The following PRPF38A variants were observed in gnomAD, a reference collection of about 807,000 sequenced individuals.
PRPF38A encodes pre-mRNA-splicing factor 38A.
PRPF38A carries 11 observed loss-of-function variants against 46.8 expected under a neutral mutation model. The observed-to-expected ratio is 0.24, with a 90% CI of 0.15 to 0.39. The LOEUF is 0.39. Among genes scored for constraint, PRPF38A ranks in the 10% least tolerant of loss-of-function variants. The pLI is 1.00. For missense variants in PRPF38A, 261 were observed against 407.5 expected (o/e 0.64, Z 3.10); for synonymous variants, 124 against 136.2 (o/e 0.91, Z 0.62).
Position 52,415,334 on chromosome 1 carries a change from C to G in PRPF38A, c.848-4C>G. On this transcript the variant is annotated splice_region_variant and splice_polypyrimidine_tract_variant and intron_variant, in intron 8 of 9. Coordinates refer to ENST00000257181, the MANE Select transcript of PRPF38A (RefSeq NM_032864.4). ...ATCTTATGCAATGGCCTTTTCTTCC[C>G]CAGGTCATCACCGTAGTCACAGACA... 6.2e-7 allele frequency: 1 copy of G among 1,613,650 alleles called. No individual in the cohort carries two copies. Among genetic ancestry groups the G allele is most frequent in the South Asian group, 1.1e-5 (1 of 91,044 alleles).
At chr1:52,412,434 G>T in intron 4 of PRPF38A, 80 bp from the exon 5 acceptor site, 2 of 933,478 alleles carry the variant, frequency 2.1e-6, no homozygotes, top group African/African-American at 1.6e-5. Context: ...TTGCTCCTTG[G>T]AACCCTGAAG....
At position 52,413,984 on chromosome 1, in the gene PRPF38A, C is replaced by G. The variant is rs1189058679; in HGVS notation, c.715C>G (p.Pro239Ala). 4.3e-6 allele frequency: 7 copies of G among 1,609,272 alleles called. No homozygotes were observed. Among genetic ancestry groups the G allele is most frequent in the Non-Finnish European group, 6.0e-6 (7 of 1,175,658 alleles). The change falls in exon 6 of 10, where the codon CCC becomes GCC. Residue 239 changes from proline (P) to alanine (A), a missense_variant. Pro to Ala is a conservative substitution (Grantham distance 27). Coordinates refer to ENST00000257181, the MANE Select transcript of PRPF38A (RefSeq NM_032864.4). ...CTACAGGAGGAGTAGGAGCCGGTCT[C>G]CCAGAAGGTAAAGCCTAGTCATTGG... ...LRYRRSRSRS[P>A]RRRSRSPKRR...
intron 2 of PRPF38A, among the ~76,000 whole-genome samples, 158 bp downstream of exon 2, chr1:52,405,997 T>G (rs1647977629): frequency 6.6e-6 from 1 of 152,188 alleles, no homozygotes; most frequent in Admixed American, 6.5e-5. Flanking sequence ...TTTGTTTGTT[T>G]TTTGTTTTGG....
rs569349351 is a variant in PRPF38A at position 52,408,446 on chromosome 1, T to C, written c.291-123T>C. The C allele has an allele frequency of 2.8e-5, 37 of 1,317,626 alleles. No homozygotes were observed. The South Asian group carries it at 4.2e-4, about 15-fold the overall frequency. The allele number at this position is 1,317,626 out of a possible 1,614,324, so 81.6% of individuals were successfully genotyped here. On this transcript the variant is annotated intron_variant, in intron 2 of 9. Coordinates refer to ENST00000257181, the MANE Select transcript of PRPF38A (RefSeq NM_032864.4). ...CTTCTGCTGCATTCTACCTCCACAATTGCAGCTTTCTTACCTGCCAAAGAG... is the reference window on the plus strand; with the variant it reads ...CTTCTGCTGCATTCTACCTCCACAACTGCAGCTTTCTTACCTGCCAAAGAG...
rs1286924221 is a variant in PRPF38A at position 52,418,939 on chromosome 1, A to G, written c.*2249A>G. 2 of 152,272 alleles carry G rather than the reference A, an allele frequency of 1.3e-5. No individual in the cohort carries two copies. Among genetic ancestry groups the G allele is most frequent in the East Asian group, 1.9e-4 (1 of 5,206 alleles). The allele number at this position is 152,272 out of a possible 1,614,324, so 9.4% of individuals were successfully genotyped here. ...TTAACAGTTTTTAATATTGGATGAA[A>G]CCACTTAATCGATTTCACTTCCAAT... is the stretch of plus-strand genomic sequence containing the variant. On this transcript the variant is annotated 3_prime_UTR_variant, in exon 10 of 10. Transcript: ENST00000257181.
At position 52,412,510 on chromosome 1, in the gene PRPF38A, G is replaced by C. The variant is rs747395673; in HGVS notation, c.499-4G>C. 1.5e-5 allele frequency: 24 copies of C among 1,606,338 alleles called. No individual in the cohort carries two copies. The South Asian group carries it at 2.4e-4, about 16-fold the overall frequency. The stretch of plus-strand genomic sequence containing the variant: ...ACCCCTAACTCTCATCATTTTCTCT[G>C]TAGAAACGCTATGTATTAGAGGAAG... On this transcript the variant is annotated splice_region_variant and splice_polypyrimidine_tract_variant and intron_variant, in intron 4 of 9. Coordinates refer to ENST00000257181, the MANE Select transcript of PRPF38A (RefSeq NM_032864.4).
chr1:52,416,177 C>G (rs1437532277), intron 9 of PRPF38A, among the ~76,000 whole-genome samples: 1 of 151,478 alleles, frequency 6.6e-6, no homozygotes, highest in Non-Finnish European at 1.5e-5. Context: ...GTCATTTCCT[C>G]AATGGTAAAA....
Position 52,405,769 on chromosome 1 carries a change from A to T in PRPF38A, c.220A>T (p.Thr74Ser). The T allele has an allele frequency of 6.2e-7, 1 of 1,614,170 alleles. No homozygotes were observed. Among genetic ancestry groups the T allele is most frequent in the Non-Finnish European group, 8.5e-7 (1 of 1,180,004 alleles). ...AAAACCAACACCCTTTCTGTGTTTAACCTTGAAGATGCTTCAAATTCAACC... is the reference window on the plus strand; with the variant it reads ...AAAACCAACACCCTTTCTGTGTTTATCCTTGAAGATGCTTCAAATTCAACC... The part of the protein sequence containing the change: ...NIKPTPFLCL[T>S]LKMLQIQPEK... The change falls in exon 2 of 10, where the codon ACC becomes TCC. Residue 74 changes from threonine (T) to serine (S), a missense_variant. Physicochemically the swap from Thr to Ser is moderately conservative, Grantham distance 58 (BLOSUM62 1). Coordinates refer to ENST00000257181, the MANE Select transcript of PRPF38A (RefSeq NM_032864.4).
At chr1:52,409,921 G>C (rs1457271091) in intron 3 of PRPF38A, among the ~76,000 whole-genome samples, 1 of 151,966 alleles carries the variant, frequency 6.6e-6, no homozygotes, top group East Asian at 1.9e-4. Context: ...CTTCTAAGTA[G>C]GGGGATGGGC....
rs1202237996 is a variant in PRPF38A at position 52,417,714 on chromosome 1, A to C, written c.*1024A>C. On this transcript the variant is annotated 3_prime_UTR_variant, in exon 10 of 10. Transcript: ENST00000257181. ...TTGACAATGTTTAAGTAATGGTGGAATCTGTCAATAAGACTTCCCAGAGTG... is the reference window on the plus strand; with the variant it reads ...TTGACAATGTTTAAGTAATGGTGGACTCTGTCAATAAGACTTCCCAGAGTG... The C allele has an allele frequency of 6.6e-6, 1 of 152,232 alleles. No individual in the cohort carries two copies. Among genetic ancestry groups the C allele is most frequent in the Non-Finnish European group, 1.5e-5 (1 of 68,044 alleles). The allele number at this position is 152,232 out of a possible 1,614,324, so 9.4% of individuals were successfully genotyped here.
At position 52,408,677 on chromosome 1, in the gene PRPF38A, G is replaced by C; in HGVS notation, c.399G>C (p.Gln133His). 6 of 1,614,172 alleles carry C rather than the reference G, an allele frequency of 3.7e-6. No homozygotes were observed. Among genetic ancestry groups the C allele is most frequent in the South Asian group, 3.3e-5 (3 of 91,074 alleles). Residue 133 changes from glutamine (Q) to histidine (H), a missense_variant, in exon 3 of 10, where the codon CAG becomes CAC. By Grantham distance (24) the Gln-to-His change is conservative (BLOSUM62 0). Transcript: ENST00000257181. Reference protein sequence around the residue: ...LYNDYRKIKSQNRNGEFELMH... With the variant: ...LYNDYRKIKSHNRNGEFELMH... ...ATGACTATCGAAAAATCAAGAGCCA[G>C]AACCGAAATGGGGGTAAGTATGGTG...
At chr1:52,410,299 CA>C (rs552629498) in intron 3 of PRPF38A, among the ~76,000 whole-genome samples, 1,993 of 147,604 alleles carry the variant, frequency 0.014, 43 homozygotes, top group African/African-American at 0.047. Flanking sequence ...GACTCCGTCT[CA>C]AAAAAAAATT....
intron 2 of PRPF38A, 72 bp from the exon 3 acceptor site, chr1:52,408,497 A>T: frequency 6.2e-7 from 1 of 1,600,580 alleles, no homozygotes; most frequent in Non-Finnish European, 8.6e-7. Context: ...CACTACTGTC[A>T]TGAGAACAGC....
intron 5 of PRPF38A, 150 bp from the exon 6 acceptor site, chr1:52,413,729 A>G (rs1648213107): frequency 1.6e-6 from 1 of 621,106 alleles, no homozygotes; most frequent in Non-Finnish European, 2.9e-6. Context: ...TAATAGGGTA[A>G]GTGCTTCCCT....
chr1:52,414,679 G>A (rs1648240087), intron 7 of PRPF38A, 32 bp downstream of exon 7: 5 of 1,613,904 alleles, frequency 3.1e-6, no homozygotes, highest in Non-Finnish European at 4.2e-6. Context: ...ATGAAGGATA[G>A]GGCTTTGGGG....
rs549261346 is a variant in PRPF38A, at chr1:52,411,053, T to C, written c.413-62T>C. 2.5e-4 allele frequency: 298 copies of C among 1,213,056 alleles called. 6 individuals are homozygous for C. In the South Asian group the frequency reaches 3.6e-3, roughly 15 times the overall value. The allele number at this position is 1,213,056 out of a possible 1,614,324, so 75.1% of individuals were successfully genotyped here. On this transcript the variant is annotated intron_variant, in intron 3 of 9. Coordinates refer to ENST00000257181, the MANE Select transcript of PRPF38A (RefSeq NM_032864.4). Reference sequence around the variant, plus strand: ...TGATATGAAGTCTTAACACTTCTTTTACTTTTTGGCATCTAAATCTTTTAT... The same window carrying C: ...TGATATGAAGTCTTAACACTTCTTTCACTTTTTGGCATCTAAATCTTTTAT...
intron 2 of PRPF38A, among the ~76,000 whole-genome samples, chr1:52,407,295 C>G (rs1337551747): frequency 2.0e-5 from 3 of 152,142 alleles, no homozygotes; most frequent in Non-Finnish European, 4.4e-5. Flanking sequence ...GGATTAGAGG[C>G]GTGAGCCACC....
rs755441187 is a variant in PRPF38A, at chr1:52,406,121, T to C, written c.290+282T>C. 7.9e-5 allele frequency among the ~76,000 whole-genome samples: 12 copies of C among 152,298 alleles called. No homozygotes were observed. In the South Asian group the frequency reaches 8.3e-4, roughly 11 times the overall value. ...CTCCTGTCTCAGCCTCCCGAGTAGC[T>C]GGGATTACAGGCATGTGCCATCACG... On this transcript the variant is annotated intron_variant, in intron 2 of 9. Coordinates refer to ENST00000257181, the MANE Select transcript of PRPF38A (RefSeq NM_032864.4).
At chr1:52,411,235 T>C in intron 4 of PRPF38A, 35 bp downstream of exon 4, 1 of 1,492,572 alleles carries the variant, frequency 6.7e-7, no homozygotes, top group Non-Finnish European at 9.3e-7. Flanking sequence ...GAGTCACCCT[T>C]CTCTTCCTAG....
Sources: allele counts gnomAD v4.1 joint callset (sites outside exome capture counted in the v4.1 genomes callset), GRCh38; gene constraint gnomAD v4.1.1; transcripts MANE v1.5; gene names NCBI Gene and HGNC (gene_info 2026-07-23, HGNC 2026-07-21).